Variants in CDK6 observed in about 807,000 individuals in gnomAD.
The protein encoded by CDK6 is cyclin dependent kinase 6, also known as cyclin-dependent kinase 6.
Under a neutral mutation model 37.1 loss-of-function variants are expected in CDK6, and 6 were observed. The ratio of observed to expected loss-of-function variants is 0.16; its 90% CI spans 0.09 to 0.32. CDK6 has a LOEUF of 0.32. Ranked by LOEUF, CDK6 falls within the 10% of genes least tolerant of loss-of-function variation. The pLI, the probability that CDK6 is intolerant of heterozygous loss-of-function variation, is 1.00. For synonymous variants in CDK6, 160 were observed against 161.3 expected (o/e 0.99, Z 0.06); for missense variants, 224 against 418.9 (o/e 0.53, Z 4.06).
chr7:92,741,026 T>C (rs1032989912), intron 3 of CDK6, among the ~76,000 whole-genome samples: 3 of 152,150 alleles, frequency 2.0e-5, no homozygotes, highest in Admixed American at 2.0e-4. Flanking sequence ...AATGAGTCAA[T>C]ACAAAGACAT....
intron 3 of CDK6, among the ~76,000 whole-genome samples, chr7:92,728,113 T>C (rs1798555857): frequency 6.6e-6 from 1 of 152,172 alleles, no homozygotes. Context: ...ATGCACATCG[T>C]TTTTATTTGT....
chr7:92,641,896 T>C (rs1796316044), intron 5 of CDK6, among the ~76,000 whole-genome samples: 1 of 152,204 alleles, frequency 6.6e-6, no homozygotes, highest in Non-Finnish European at 1.5e-5. Context: ...AGGTAACAGT[T>C]AAAGTACATT....
chr7:92,739,659 T>C (rs1047160993), intron 3 of CDK6, among the ~76,000 whole-genome samples: 1 of 152,260 alleles, frequency 6.6e-6, no homozygotes, highest in Non-Finnish European at 1.5e-5. Flanking sequence ...GTAGTCAGTA[T>C]CTCTTGCCTG....
intron 4 of CDK6, chr7:92,710,598 TA>T: frequency 2.3e-6 from 1 of 439,122 alleles, no homozygotes; most frequent in African/African-American, 2.1e-5. Context: ...TACTTGTAAC[TA>T]AATATATGAT....
intron 5 of CDK6, among the ~76,000 whole-genome samples, chr7:92,657,134 A>G (rs1199634113): frequency 1.3e-5 from 2 of 152,170 alleles, no homozygotes; most frequent in African/African-American, 4.8e-5. Context: ...CTTTCAATGT[A>G]TAAAATAGTG....
At chr7:92,830,608 T>G (rs1801451857) in intron 2 of CDK6, among the ~76,000 whole-genome samples, 1 of 152,228 alleles carries the variant, frequency 6.6e-6, no homozygotes, top group African/African-American at 2.4e-5. Context: ...TGACCCTGTC[T>G]GAGCAAATAT....
chr7:92,651,395 T>C (rs558103067), intron 5 of CDK6, among the ~76,000 whole-genome samples: 1 of 152,230 alleles, frequency 6.6e-6, no homozygotes, highest in Admixed American at 6.5e-5. Flanking sequence ...TGTGCCAAGA[T>C]GGCTAACAGG....
chr7:92,805,454 T>C (rs898956912), intron 2 of CDK6, among the ~76,000 whole-genome samples: 2 of 152,194 alleles, frequency 1.3e-5, no homozygotes, highest in African/African-American at 4.8e-5. Flanking sequence ...CCCACCAAAA[T>C]GAGTGAGCTC....
chr7:92,630,119 T>C (rs1224555001), intron 5 of CDK6, among the ~76,000 whole-genome samples: 1 of 152,100 alleles, frequency 6.6e-6, no homozygotes, highest in Non-Finnish European at 1.5e-5. Context: ...TCCTTCTTCA[T>C]ATTAATGAAT....
chr7:92,697,722 A>C (rs1797752873), intron 4 of CDK6, among the ~76,000 whole-genome samples: 1 of 152,216 alleles, frequency 6.6e-6, no homozygotes, highest in African/African-American at 2.4e-5. Context: ...AAGGCATGTC[A>C]ATCTTTTAAG....
chr7:92,800,136 G>A (rs573898808), intron 2 of CDK6, among the ~76,000 whole-genome samples: 2 of 152,058 alleles, frequency 1.3e-5, no homozygotes, highest in African/African-American at 4.8e-5. Context: ...CATTTCAAGG[G>A]CACTACCCTA....
chr7:92,645,969 G>C (rs953057905), intron 5 of CDK6, among the ~76,000 whole-genome samples: 1 of 152,164 alleles, frequency 6.6e-6, no homozygotes. Flanking sequence ...ATAATCCAAC[G>C]GTGATTGTGC....
intron 2 of CDK6, among the ~76,000 whole-genome samples, chr7:92,803,415 C>G (rs1279431677): frequency 6.6e-6 from 1 of 152,178 alleles, no homozygotes; most frequent in Non-Finnish European, 1.5e-5. Context: ...GAGCTGATGA[C>G]AGCCAGGTGC....
chr7:92,688,071 A>T (rs1797504001), intron 4 of CDK6, among the ~76,000 whole-genome samples: 1 of 152,172 alleles, frequency 6.6e-6, no homozygotes, highest in Admixed American at 6.5e-5. Context: ...AGTAAAATAA[A>T]CATTCTGCTT....
intron 2 of CDK6, among the ~76,000 whole-genome samples, chr7:92,790,766 C>T (rs1800261430): frequency 6.6e-6 from 1 of 152,054 alleles, no homozygotes; most frequent in Non-Finnish European, 1.5e-5. Flanking sequence ...AAAGAAGCAA[C>T]CCATCCATAT....
chr7:92,671,167 A>G (rs1456665009), intron 5 of CDK6: 3 of 291,890 alleles, frequency 1.0e-5, no homozygotes, highest in Non-Finnish European at 1.9e-5. Flanking sequence ...CATCACCAGT[A>G]AAACAATGTA....
intron 2 of CDK6, among the ~76,000 whole-genome samples, chr7:92,822,644 T>G (rs947541153): frequency 6.6e-6 from 1 of 152,090 alleles, no homozygotes; most frequent in African/African-American, 2.4e-5. Context: ...GAAGCTGACA[T>G]TCAACATTAA....
intron 3 of CDK6, among the ~76,000 whole-genome samples, chr7:92,738,916 T>C (rs1407871825): frequency 1.3e-4 from 20 of 152,128 alleles, no homozygotes; most frequent in Admixed American, 1.3e-3. Flanking sequence ...TTATTCTTTT[T>C]CCAGGCACCA....
chr7:92,685,552 C>T (rs543731707), intron 4 of CDK6, among the ~76,000 whole-genome samples: 3 of 152,280 alleles, frequency 2.0e-5, no homozygotes, highest in African/African-American at 7.2e-5. Context: ...ATCCTGGAAA[C>T]TGTTAGGGCT....
Sources: gnomAD v4.1 joint callset for allele counts (sites outside exome capture counted in the v4.1 genomes callset) on GRCh38, gnomAD v4.1.1 for gene constraint, MANE v1.5 for transcripts, NCBI Gene and HGNC (gene_info 2026-07-23, HGNC 2026-07-21) for gene names.